HNF4G: variants seen among roughly 807,000 people sequenced by gnomAD.
HNF4G encodes hepatocyte nuclear factor 4-gamma.
HNF4G carries 21 observed loss-of-function variants against 50.9 expected under a neutral mutation model. The observed-to-expected ratio is 0.41, with a 90% CI of 0.29 to 0.59. The LOEUF is 0.59. Among genes scored for constraint, HNF4G ranks in the 20% least tolerant of loss-of-function variants. The pLI, the probability that HNF4G is intolerant of heterozygous loss-of-function variation, is 0.26. For synonymous variants in HNF4G, 198 were observed against 185.6 expected, an observed-to-expected ratio of 1.07 and a Z score of -0.54; for missense variants, 527 against 559.4, an observed-to-expected ratio of 0.94 and a Z score of 0.58.
At chr8:75,490,544 A>C (rs768508026) in intron 2 of HNF4G, among the ~76,000 whole-genome samples, 19 of 152,198 alleles carry the variant, frequency 1.2e-4, no homozygotes, top group Non-Finnish European at 2.8e-4. Context: ...AGAAAGTTTG[A>C]AGTATTTAAA....
At chr8:75,433,141 A>T (rs1811054364) in intron 1 of HNF4G, among the ~76,000 whole-genome samples, 1 of 151,946 alleles carries the variant, frequency 6.6e-6, no homozygotes, top group East Asian at 1.9e-4. Flanking sequence ...ATGGCTCATG[A>T]CTCTAATCTG....
In HNF4G at chr8:75,564,762, A is replaced by T. The variant is rs1028312685; in HGVS notation, c.*666A>T. 2 of 152,214 alleles carry T rather than the reference A, an allele frequency of 1.3e-5. No individual in the cohort carries two copies. The highest frequency in any genetic ancestry group is 4.1e-4 in the South Asian group (2 of 4,836). 9.4% of individuals were successfully genotyped at this position (152,214 alleles called of 1,614,324 possible). A position where few individuals can be genotyped will look rare whatever the true frequency, so the allele number is the denominator to read the frequency against. On this transcript the variant is annotated 3_prime_UTR_variant, in exon 10 of 10. Coordinates refer to ENST00000396423, the MANE Select transcript of HNF4G (RefSeq NM_004133.5). ...TGTTAAGCAAAAACATGTTGCTTTT[A>T]TCAGTTAGGATACAGGGTGAACTGT...
At chr8:75,421,663 G>C (rs573667304) in intron 1 of HNF4G, among the ~76,000 whole-genome samples, 26 of 152,310 alleles carry the variant, frequency 1.7e-4, no homozygotes, top group Non-Finnish European at 1.5e-5. Flanking sequence ...ACAAACTTGA[G>C]TGGGCATCAG....
In HNF4G at chr8:75,564,227, A is replaced by G. The variant is rs1807399618; in HGVS notation, c.*131A>G. On this transcript the variant is annotated 3_prime_UTR_variant, in exon 10 of 10. Transcript: ENST00000396423. ...TGGTGCTGTTATAAGATGGTGTCCTATTTTCTTGTTTATACGTTCATTCTG... is the reference window on the plus strand; with the variant it reads ...TGGTGCTGTTATAAGATGGTGTCCTGTTTTCTTGTTTATACGTTCATTCTG... The G allele has an allele frequency of 4.6e-6, 4 of 871,052 alleles. No individual in the cohort carries two copies. The highest frequency in any genetic ancestry group is 7.0e-6 in the Non-Finnish European group (4 of 571,662). 54.0% of individuals were successfully genotyped at this position (871,052 alleles called of 1,614,324 possible).
chr8:75,550,193 C>G (rs776893832), intron 3 of HNF4G, among the ~76,000 whole-genome samples: 23 of 152,114 alleles, frequency 1.5e-4, no homozygotes, highest in Non-Finnish European at 3.4e-4. Context: ...ACAGCCTTAA[C>G]CGAAATAATT....
chr8:75,466,620 C>T (rs1811987364), intron 1 of HNF4G, among the ~76,000 whole-genome samples: 2 of 103,964 alleles, frequency 1.9e-5, no homozygotes, highest in Non-Finnish European at 4.2e-5. Flanking sequence ...TTCCTTCCTT[C>T]CTTCCTTCCT....
intron 2 of HNF4G, among the ~76,000 whole-genome samples, chr8:75,490,498 C>A (rs1437762555): frequency 6.6e-6 from 1 of 152,068 alleles, no homozygotes; most frequent in Non-Finnish European, 1.5e-5. Flanking sequence ...CGTTTGGAGC[C>A]TGGCACTGGG....
intron 2 of HNF4G, among the ~76,000 whole-genome samples, chr8:75,512,045 A>T (rs983037892): frequency 7.2e-5 from 11 of 152,168 alleles, no homozygotes; most frequent in Non-Finnish European, 1.3e-4. Context: ...TTTTTAGTCT[A>T]TATCTAGGAA....
rs919293820 is a variant in HNF4G at position 75,416,036 on chromosome 8, AT to A, written c.-144+7882del. Among the ~76,000 whole-genome samples, 230 of 152,196 alleles carry A rather than the reference AT, an allele frequency of 1.5e-3. 1 individual carries two copies. Among genetic ancestry groups the A allele is most frequent in the African/African-American group, 5.1e-3 (212 of 41,534 alleles). ...TCAGAAGATATTTTAGATTCTGTGAATTTTTTTTAGTTGTCTTTTATTTGTA... is the reference window on the plus strand; with the variant it reads ...TCAGAAGATATTTTAGATTCTGTGAATTTTTTTAGTTGTCTTTTATTTGTA... On this transcript the variant is annotated intron_variant, in intron 1 of 10. Transcript: ENST00000354370.
upstream of HNF4G, among the ~76,000 whole-genome samples, chr8:75,537,514 G>A (rs942184069): frequency 1.9e-4 from 29 of 152,018 alleles, no homozygotes; most frequent in Non-Finnish European, 2.8e-4. Flanking sequence ...CCAAAGTGCT[G>A]GGATTACAGG....
intron 1 of HNF4G, among the ~76,000 whole-genome samples, chr8:75,482,389 G>A (rs765187862): frequency 5.3e-5 from 8 of 151,190 alleles, no homozygotes; most frequent in Non-Finnish European, 1.2e-4. Flanking sequence ...ATTTTTAGAA[G>A]GAGTCTCTCT....
chr8:75,543,958 A>T lies in HNF4G; in HGVS notation c.266A>T (p.Lys89Met). ...CKGFFRRSIR[K>M]SHVYSCRFSR... ...GGTTTCTTCAGACGCAGCATTCGTA[A>T]GAGTCACGTTTATTCTTGCAGGTAC... Residue 89 changes from lysine to methionine, a missense_variant, in exon 2 of 10, where the codon AAG becomes ATG. Transcript: ENST00000396423. The T allele has an allele frequency of 6.3e-7, 1 of 1,596,514 alleles. No individual in the cohort carries two copies. The highest frequency in any genetic ancestry group is 8.5e-7 in the Non-Finnish European group (1 of 1,169,958).
At chr8:75,442,927 C>A (rs1197528921) in intron 1 of HNF4G, among the ~76,000 whole-genome samples, 1 of 152,170 alleles carries the variant, frequency 6.6e-6, no homozygotes, top group African/African-American at 2.4e-5. Context: ...AATGCTCAAT[C>A]TCACACTCTA....
chr8:75,471,685 T>G (rs1812117847), intron 1 of HNF4G, among the ~76,000 whole-genome samples: 1 of 152,186 alleles, frequency 6.6e-6, no homozygotes, highest in African/African-American at 2.4e-5. Context: ...GAATATGAAT[T>G]CAGATATTTA....
At position 75,553,058 on chromosome 8, in the gene HNF4G, C is replaced by A. The variant is rs1234046462; in HGVS notation, c.506C>A (p.Pro169His). The A allele has an allele frequency of 6.2e-7, 1 of 1,610,384 alleles. No homozygotes were observed. Among genetic ancestry groups the A allele is most frequent in the African/African-American group, 1.3e-5 (1 of 74,746 alleles). ...TAATACTAGATCTCAGTCTCAAGCCCTGGGTCAAGCACTGACATAAACGTT... is the reference window on the plus strand; with the variant it reads ...TAATACTAGATCTCAGTCTCAAGCCATGGGTCAAGCACTGACATAAACGTT... ...VRSRQISVSS[P>H]GSSTDINVKK... Residue 169 changes from proline (P) to histidine (H), a missense_variant, in exon 5 of 10, where the codon CCT becomes CAT. Transcript: ENST00000396423.
At position 75,475,746 on chromosome 8, in the gene HNF4G, C is replaced by A. The variant is rs140003826; in HGVS notation, c.-143-14343C>A. ...ATTTATTGTTTTTATTTTAAAGTGC[C>A]AAGAAGAAAATGCCCAGTTCCCAGC... On this transcript the variant is annotated intron_variant, in intron 1 of 10. Transcript: ENST00000354370. Among the ~76,000 whole-genome samples the A allele has an allele frequency of 4.0e-3, 606 of 151,754 alleles. 4 individuals are homozygous for A. Among genetic ancestry groups the A allele is most frequent in the African/African-American group, 0.014 (577 of 41,364 alleles).
chr8:75,474,717 T>C (rs756790363), intron 1 of HNF4G, among the ~76,000 whole-genome samples: 26 of 152,010 alleles, frequency 1.7e-4, no homozygotes, highest in Admixed American at 7.9e-4. Context: ...ATAATAAATA[T>C]TATTTTTTGT....
At chr8:75,494,451 G>A (rs376903321) in intron 2 of HNF4G, among the ~76,000 whole-genome samples, 30 of 151,276 alleles carry the variant, frequency 2.0e-4, no homozygotes, top group South Asian at 4.2e-4. Flanking sequence ...ACATTAATAA[G>A]GTCTTTTATT....
chr8:75,560,838 G>A (rs767844577), intron 9 of HNF4G, among the ~76,000 whole-genome samples: 5 of 152,110 alleles, frequency 3.3e-5, no homozygotes, highest in Admixed American at 6.5e-5. Flanking sequence ...CTTCAAAAAC[G>A]TTTGTCAAAA....
Sources: allele counts gnomAD v4.1 joint callset (sites outside exome capture counted in the v4.1 genomes callset), GRCh38; gene constraint gnomAD v4.1.1; transcripts MANE v1.5; gene names NCBI Gene and HGNC (gene_info 2026-07-23, HGNC 2026-07-21).